RAB27A: variants seen among roughly 807,000 people sequenced by gnomAD.
RAB27A encodes the protein RAB27A, member RAS oncogene family, also known as ras-related protein Rab-27A.
In RAB27A, 17 loss-of-function variants were observed where a neutral mutation model predicts 20.8. The ratio of observed to expected loss-of-function variants is 0.82; its 90% CI spans 0.56 to 1.23. The LOEUF (loss-of-function observed/expected upper bound fraction) is 1.23. Ranked by LOEUF, RAB27A falls within the 50% of genes most tolerant of loss-of-function variation. RAB27A has a pLI of 0.00. For missense variants in RAB27A, 277 were observed against 266.7 expected, an observed-to-expected ratio of 1.04 and a Z score of -0.27; for synonymous variants, 85 against 92.8, an observed-to-expected ratio of 0.92 and a Z score of 0.48.
intron 5 of RAB27A, among the ~76,000 whole-genome samples, chr15:55,226,788 A>C (rs1397122952): frequency 2.6e-5 from 4 of 151,674 alleles, no homozygotes; most frequent in Non-Finnish European, 5.9e-5. Flanking sequence ...GAATTGCTTG[A>C]ACCCAGGAGG....
intron 3 of RAB27A, among the ~76,000 whole-genome samples, chr15:55,231,009 G>A (rs982407644): frequency 6.6e-6 from 1 of 152,056 alleles, no homozygotes; most frequent in African/African-American, 2.4e-5. Flanking sequence ...TACTGTTTCT[G>A]TCTTTATGTC....
exon 1 of RAB27A, chr15:55,319,107 C>A: frequency 1.0e-6 from 1 of 968,600 alleles, no homozygotes. Context: ...GAGGCCACCA[C>A]GTCGGGTGGG....
chr15:55,306,086 T>G (rs1187424139), intron 2 of RAB27A, among the ~76,000 whole-genome samples: 1 of 152,170 alleles, frequency 6.6e-6, no homozygotes, highest in East Asian at 1.9e-4. Context: ...ACAAAAAATA[T>G]TCCTGAGGGT....
intron 6 of RAB27A, among the ~76,000 whole-genome samples, chr15:55,216,937 G>A (rs1327806657): frequency 6.6e-6 from 1 of 152,216 alleles, no homozygotes; most frequent in Non-Finnish European, 1.5e-5. Context: ...TTCTAGCAGA[G>A]CTGTGAGCTA....
upstream of RAB27A, among the ~76,000 whole-genome samples, chr15:55,291,911 A>G (rs1315665624): frequency 1.3e-5 from 2 of 152,226 alleles, no homozygotes; most frequent in African/African-American, 4.8e-5. Flanking sequence ...AGGAAGTTAA[A>G]GAGTGTTATT....
intron 1 of RAB27A, among the ~76,000 whole-genome samples, chr15:55,278,229 A>C (rs935139649): frequency 6.6e-6 from 1 of 152,202 alleles, no homozygotes; most frequent in African/African-American, 2.4e-5. Context: ...AAAGAAATTT[A>C]ATAGTTCAAC....
chr15:55,273,775 AATAGATAACC>A (rs1897773605), intron 1 of RAB27A, among the ~76,000 whole-genome samples: 1 of 152,194 alleles, frequency 6.6e-6, no homozygotes, highest in African/African-American at 2.4e-5. Flanking sequence ...TGAAAAGAGA[AATAGATAACC>A]ATACAATAAT....
intron 2 of RAB27A, chr15:55,237,492 C>T (rs1290034064): frequency 6.6e-6 from 1 of 152,172 alleles, no homozygotes; most frequent in Admixed American, 6.6e-5. Context: ...TGACACTTCA[C>T]AGATGATGCC....
At chr15:55,258,830 GTTCT>G (rs1897175497) in intron 2 of RAB27A, among the ~76,000 whole-genome samples, 1 of 152,036 alleles carries the variant, frequency 6.6e-6, no homozygotes, top group South Asian at 2.1e-4. Flanking sequence ...TTTCTATTGG[GTTCT>G]TTTTCTTTAA....
intron 2 of RAB27A, among the ~76,000 whole-genome samples, chr15:55,256,413 C>G (rs1300223718): frequency 6.6e-6 from 1 of 151,622 alleles, no homozygotes; most frequent in Non-Finnish European, 1.5e-5. Context: ...GACCCTGTCT[C>G]AAAAAAAGAA....
chr15:55,293,272 T>C (rs2054932602), upstream of RAB27A, among the ~76,000 whole-genome samples: 1 of 152,108 alleles, frequency 6.6e-6, no homozygotes, highest in African/African-American at 2.4e-5. Context: ...CTAGAAGCAA[T>C]TATATCAAAG....
intron 2 of RAB27A, among the ~76,000 whole-genome samples, chr15:55,240,675 C>T (rs984333817): frequency 6.6e-6 from 1 of 152,136 alleles, no homozygotes; most frequent in Non-Finnish European, 1.5e-5. Context: ...TGAGTCCAGT[C>T]ATGTAACTTT....
At chr15:55,316,966 C>T (rs1348572108) in intron 1 of RAB27A, among the ~76,000 whole-genome samples, 3 of 152,176 alleles carry the variant, frequency 2.0e-5, no homozygotes, top group Admixed American at 2.0e-4. Context: ...AGTTGGTTCA[C>T]ATATCTACAA....
At chr15:55,229,701 C>T (rs1895957190) in intron 4 of RAB27A, among the ~76,000 whole-genome samples, 1 of 151,724 alleles carries the variant, frequency 6.6e-6, no homozygotes, top group Non-Finnish European at 1.5e-5. Flanking sequence ...TCTTTTAGAG[C>T]TACATTACCA....
intron 2 of RAB27A, among the ~76,000 whole-genome samples, chr15:55,259,345 G>A (rs1305683636): frequency 6.6e-6 from 1 of 151,510 alleles, no homozygotes; most frequent in East Asian, 1.9e-4. Context: ...CAGTGCAATG[G>A]CACAATCATA....
rs1459778674 is a variant in RAB27A at position 55,204,149 on chromosome 15, G to C, written c.*1358C>G. On this transcript the variant is annotated 3_prime_UTR_variant, in exon 7 of 7. Coordinates refer to ENST00000336787, the MANE Select transcript of RAB27A (RefSeq NM_183235.3). ...ATATTTCTTCCTATATAGCCATTAA[G>C]ATCTCTGGAAGTTTTGATCTACTTT... The C allele has an allele frequency of 6.6e-6, 1 of 152,072 alleles. No individual in the cohort carries two copies. Among genetic ancestry groups the C allele is most frequent in the Non-Finnish European group, 1.5e-5 (1 of 68,022 alleles). The allele number at this position is 152,072 out of a possible 1,614,324, so 9.4% of individuals were successfully genotyped here.
chr15:55,220,627 T>A (rs895149162), intron 6 of RAB27A, among the ~76,000 whole-genome samples: 63 of 152,170 alleles, frequency 4.1e-4, no homozygotes, highest in African/African-American at 1.4e-3. Context: ...TAACAAAAAA[T>A]GTAAATTTAT....
intron 1 of RAB27A, among the ~76,000 whole-genome samples, chr15:55,287,902 T>C (rs1224087634): frequency 2.6e-5 from 4 of 152,130 alleles, no homozygotes; most frequent in Non-Finnish European, 5.9e-5. Context: ...AGGACAGACA[T>C]ACAGATCAAT....
upstream of RAB27A, among the ~76,000 whole-genome samples, chr15:55,293,295 C>T (rs1452184179): frequency 6.6e-6 from 1 of 151,998 alleles, no homozygotes; most frequent in Non-Finnish European, 1.5e-5. Context: ...GCTACGAGTA[C>T]ACTTAGCACC....
Sources: allele counts gnomAD v4.1 joint callset (sites outside exome capture counted in the v4.1 genomes callset), GRCh38; gene constraint gnomAD v4.1.1; transcripts MANE v1.5; gene names NCBI Gene and HGNC (gene_info 2026-07-23, HGNC 2026-07-21).